Variants in FAM186B observed in about 807,000 individuals in gnomAD.
The protein encoded by FAM186B is family with sequence similarity 186 member B.
In FAM186B, 68 loss-of-function variants were observed where a neutral mutation model predicts 83.4. The ratio of observed to expected loss-of-function variants is 0.81; its 90% CI spans 0.67 to 1.00. The LOEUF is 1.00. Ranked by LOEUF, FAM186B falls within the 50% of genes least tolerant of loss-of-function variation. The probability of loss-of-function intolerance (pLI) is 0.00; values close to 1 mark genes in which losing one functional copy is unlikely to be tolerated. For missense variants in FAM186B, 983 were observed against 1,099.2 expected (o/e 0.89, Z 1.49); for synonymous variants, 389 against 422.0 (o/e 0.92, Z 0.96).
chr12:49,588,628 A>G lies in FAM186B; in HGVS notation c.2365-5T>C. On this transcript the variant is annotated splice_polypyrimidine_tract_variant and splice_region_variant and intron_variant, in intron 5 of 6. Coordinates refer to ENST00000257894, the MANE Select transcript of FAM186B (RefSeq NM_032130.3). Reference sequence around the variant, plus strand: ...AACGTTCCACTCCAGCTGGAGCTAGAGGAACCAGCAGAGAGGCATCAGGGA... The same window carrying G: ...AACGTTCCACTCCAGCTGGAGCTAGGGGAACCAGCAGAGAGGCATCAGGGA... 1.3e-6 allele frequency: 2 copies of G among 1,565,416 alleles called. No individual in the cohort carries two copies. The highest frequency in any genetic ancestry group is 2.7e-5 in the African/African-American group (2 of 74,068).
the FAM186B span, among the ~76,000 whole-genome samples, chr12:49,614,869 G>A: frequency 3.9e-5 from 6 of 152,164 alleles, no homozygotes; most frequent in African/African-American, 9.7e-5. Context: ...AGTGGTTCAC[G>A]CCTGTAATTC....
At chr12:49,599,386 G>A in intron 4 of FAM186B, 83 bp downstream of exon 4, 1 of 1,456,226 alleles carries the variant, frequency 6.9e-7, no homozygotes, top group East Asian at 2.4e-5. Context: ...CCCTTGCCCT[G>A]TGTTCCTTCT....
At chr12:49,606,351 C>A (rs1940020460), upstream of FAM186B, among the ~76,000 whole-genome samples, 1 of 151,684 alleles carries the variant, frequency 6.6e-6, no homozygotes. Flanking sequence ...AAAAAATAGC[C>A]AGGCATGGTG....
Position 49,605,133 on chromosome 12 carries a change from A to G in FAM186B, c.96+249T>C, listed in dbSNP as rs559150266. On this transcript the variant is annotated intron_variant, in intron 1 of 6. Transcript: ENST00000257894. Reference sequence around the variant, plus strand: ...CACCACCACGATGTGCCTCAGGGCTATCCTCGAGCTTCCTGCCCCCTTCCC... The same window carrying G: ...CACCACCACGATGTGCCTCAGGGCTGTCCTCGAGCTTCCTGCCCCCTTCCC... 1.4e-3 allele frequency: 1,900 copies of G among 1,312,210 alleles called. 5 individuals are homozygous for G. The highest frequency in any genetic ancestry group is 5.4e-3 in the Middle Eastern group (18 of 3,342). 81.3% of individuals were successfully genotyped at this position (1,312,210 alleles called of 1,614,324 possible).
rs372195064 is a variant in FAM186B, at chr12:49,599,533, C to T, written c.2107G>A (p.Gly703Ser). The T allele has an allele frequency of 3.1e-6, 5 of 1,603,544 alleles. No individual in the cohort carries two copies. Among genetic ancestry groups the T allele is most frequent in the Non-Finnish European group, 4.3e-6 (5 of 1,175,678 alleles). Reference sequence around the variant, plus strand: ...CACAGGTACTGCAGCCTGAGCGCGCCCAGCTCCATGGTGGTGGTGGTGAGC... The same window carrying T: ...CACAGGTACTGCAGCCTGAGCGCGCTCAGCTCCATGGTGGTGGTGGTGAGC... ...LELTTTTMEL[G>S]ALRLQYLCHK... is the part of the protein sequence containing the mutation. The change falls in exon 4 of 7, where the codon GGC (glycine) becomes AGC (serine). Residue 703 changes from glycine to serine, a missense_variant. Transcript: ENST00000257894.
At position 49,587,633 on chromosome 12, in the gene FAM186B, A is replaced by C; in HGVS notation, c.2654T>G (p.Ile885Ser). 1 of 1,613,312 alleles carries C rather than the reference A, an allele frequency of 6.2e-7. No homozygotes were observed. Among genetic ancestry groups the C allele is most frequent in the Non-Finnish European group, 8.5e-7 (1 of 1,179,886 alleles). ...CACGTCCAGTGTCAACAGCCGGGGA[A>C]TATCTGGGTGTCCCCTCAGCTGGTC... ...PRDQLRGHPD[I>S]PRLLTLDV The change falls in exon 7 of 7, where the codon ATT (isoleucine) becomes AGT (serine). Residue 885 changes from isoleucine to serine, a missense_variant. Physicochemically the swap from Ile to Ser is moderately radical, Grantham distance 142 (BLOSUM62 -2). Transcript: ENST00000257894.
the FAM186B span, among the ~76,000 whole-genome samples, chr12:49,617,212 CA>C: frequency 1.2e-4 from 18 of 152,192 alleles, no homozygotes; most frequent in Admixed American, 2.0e-4. Flanking sequence ...AACCCCTTCT[CA>C]AGCAAAGCTG....
chr12:49,595,952 C>T (rs559649789), intron 5 of FAM186B, among the ~76,000 whole-genome samples: 1 of 152,246 alleles, frequency 6.6e-6, no homozygotes, highest in South Asian at 2.1e-4. Flanking sequence ...CCACTGCACT[C>T]CAGCCTGGGC....
At chr12:49,606,270 G>T (rs145063847), upstream of FAM186B, among the ~76,000 whole-genome samples, 2,426 of 152,114 alleles carry the variant, frequency 0.016, 61 homozygotes, top group African/African-American at 0.054. Context: ...GAGGTGGGAG[G>T]ATCACTTGAG....
chr12:49,605,481 G>T lies in FAM186B; in HGVS notation c.-4C>A. The T allele has an allele frequency of 2.5e-6, 4 of 1,612,250 alleles. No homozygotes were observed. The highest frequency in any genetic ancestry group is 2.5e-6 in the Non-Finnish European group (3 of 1,179,274). On this transcript the variant is annotated 5_prime_UTR_variant, in exon 1 of 7. Transcript: ENST00000257894. ...GTGGGGGGTCATCCTTCTCCATTTT[G>T]GATCACTCTGTCAGTCACAAAACAT...
chr12:49,614,868 C>T, the FAM186B span, among the ~76,000 whole-genome samples: 2 of 152,144 alleles, frequency 1.3e-5, no homozygotes, highest in African/African-American at 4.8e-5. Flanking sequence ...CAGTGGTTCA[C>T]GCCTGTAATT....
rs370300984 is a variant in FAM186B, at chr12:49,598,989, C to T, written c.2172-42G>A. ...AGCAATTTAGGGGGTGGAGAGGCCT[C>T]CTCTATCCCCCAAGTCTGTTAACCA... On this transcript the variant is annotated intron_variant, in intron 4 of 6. Coordinates refer to ENST00000257894, the MANE Select transcript of FAM186B (RefSeq NM_032130.3). 8.3e-4 allele frequency: 1,320 copies of T among 1,581,702 alleles called. 2 individuals are homozygous for T. Among genetic ancestry groups the T allele is most frequent in the Non-Finnish European group, 1.1e-3 (1,218 of 1,154,938 alleles).
intron 5 of FAM186B, 26 bp from the exon 6 acceptor site, chr12:49,588,649 A>G (rs1457143180): frequency 1.9e-6 from 3 of 1,541,638 alleles, no homozygotes; most frequent in Admixed American, 1.9e-5. Context: ...GAGAGGCATC[A>G]GGGAAACAGG....
intron 5 of FAM186B, among the ~76,000 whole-genome samples, chr12:49,589,245 G>A (rs754781819): frequency 9.2e-5 from 14 of 152,220 alleles, no homozygotes; most frequent in East Asian, 7.7e-4. Context: ...CTCAAGACTC[G>A]GGGGCAGGTG....
chr12:49,603,058 C>T, intron 3 of FAM186B, 127 bp downstream of exon 3: 1 of 997,740 alleles, frequency 1.0e-6, no homozygotes. Context: ...CACTGCCCAT[C>T]CATCTCAAAT....
chr12:49,595,116 T>C (rs963902537), intron 5 of FAM186B: 4 of 384,706 alleles, frequency 1.0e-5, no homozygotes, highest in Non-Finnish European at 2.0e-5. Context: ...TGAAAACATA[T>C]AACCTGAGTT....
At chr12:49,601,773 C>T (rs763260978) in intron 3 of FAM186B, among the ~76,000 whole-genome samples, 9 of 152,040 alleles carry the variant, frequency 5.9e-5, no homozygotes, top group Non-Finnish European at 1.2e-4. Flanking sequence ...GGCTGGGTCA[C>T]GGTGGTCATT....
At chr12:49,604,939 AGG>A (rs1939978383) in intron 1 of FAM186B, among the ~76,000 whole-genome samples, 1 of 152,174 alleles carries the variant, frequency 6.6e-6, no homozygotes, top group Non-Finnish European at 1.5e-5. Context: ...AAGAAACTCT[AGG>A]ATCAGAGGCT....
chr12:49,619,654 T>C, the FAM186B span: 8 of 514,496 alleles, frequency 1.6e-5, no homozygotes, highest in Non-Finnish European at 2.8e-5. Flanking sequence ...GAGCTTACTT[T>C]AGTTAGACAT....
Sources: gnomAD v4.1 joint callset for allele counts (sites outside exome capture counted in the v4.1 genomes callset) on GRCh38, gnomAD v4.1.1 for gene constraint, MANE v1.5 for transcripts, NCBI Gene and HGNC (gene_info 2026-07-23, HGNC 2026-07-21) for gene names.